EFCAB7: variants seen among roughly 807,000 people sequenced by gnomAD.
The protein encoded by EFCAB7 is EF-hand calcium-binding domain-containing protein 7.
In EFCAB7, 66 loss-of-function variants were observed where a neutral mutation model predicts 77.1. That is an observed-to-expected ratio of 0.86 (90% confidence interval 0.70 to 1.05). EFCAB7 has a LOEUF of 1.05. Ranked by LOEUF, EFCAB7 falls within the 50% of genes least tolerant of loss-of-function variation. The pLI is 0.00. For missense variants in EFCAB7, 638 were observed against 730.5 expected (o/e 0.87, Z 1.46); for synonymous variants, 225 against 243.3 (o/e 0.92, Z 0.70).
At chr1:63,550,363 C>G (rs1646950214) in intron 7 of EFCAB7, 2 of 151,996 alleles carry the variant, frequency 1.3e-5, no homozygotes, top group South Asian at 4.1e-4. Context: ...CTTTTTTCCT[C>G]TTTGGACTGA....
chr1:63,526,022 C>T (rs1032349819), intron 2 of EFCAB7, among the ~76,000 whole-genome samples: 13 of 151,962 alleles, frequency 8.6e-5, no homozygotes, highest in Admixed American at 4.6e-4. Flanking sequence ...ACTTTTAATT[C>T]TCATTTTGGT....
chr1:63,554,159 T>C (rs1646999111), intron 8 of EFCAB7, among the ~76,000 whole-genome samples: 1 of 152,060 alleles, frequency 6.6e-6, no homozygotes, highest in Non-Finnish European at 1.5e-5. Context: ...TTGGACATAA[T>C]ACGTGAAAGG....
At chr1:63,546,451 G>A (rs1000907906) in intron 7 of EFCAB7, among the ~76,000 whole-genome samples, 2 of 151,300 alleles carry the variant, frequency 1.3e-5, no homozygotes, top group African/African-American at 2.4e-5. Flanking sequence ...TGCAACCTCC[G>A]CCTCCTGGAT....
In EFCAB7 at chr1:63,531,830, T is replaced by C; in HGVS notation, c.198T>C (p.His66=). The change falls in exon 3 of 14, where the codon CAT becomes CAC. Residue 66 remains histidine, a synonymous_variant. Transcript: ENST00000371088. ...TGTCTTGTTGGGCAGCTCTTCAGCA[T>C]GCAGGAAGAAATCCATCCCAAAAGA... ...SKDQLYLALQ[H]AGRNPSQKTI... 2.5e-6 allele frequency: 4 copies of C among 1,611,720 alleles called. No homozygotes were observed. Among genetic ancestry groups the C allele is most frequent in the Non-Finnish European group, 3.4e-6 (4 of 1,179,066 alleles).
intron 5 of EFCAB7, 44 bp downstream of exon 5, chr1:63,533,693 A>G (rs1406171844): frequency 7.3e-7 from 1 of 1,366,002 alleles, no homozygotes; most frequent in South Asian, 1.6e-5. Flanking sequence ...AGAAATGAAG[A>G]GTCATATTCA....
chr1:63,577,083 G>T (rs1402585200), downstream of EFCAB7, among the ~76,000 whole-genome samples: 2 of 148,332 alleles, frequency 1.3e-5, no homozygotes, highest in Non-Finnish European at 3.0e-5. Context: ...GGAGGCTGAG[G>T]TTGCAGTGAG....
chr1:63,567,414 C>G (rs1647183024), intron 11 of EFCAB7, among the ~76,000 whole-genome samples: 1 of 151,936 alleles, frequency 6.6e-6, no homozygotes, highest in Admixed American at 6.6e-5. Context: ...GATCACCCAA[C>G]TGCACTCCAG....
At chr1:63,570,602 GTTTATA>G (rs1044093517) in intron 12 of EFCAB7, 4 of 152,888 alleles carry the variant, frequency 2.6e-5, no homozygotes, top group African/African-American at 7.2e-5. Flanking sequence ...AAATATATTT[GTTTATA>G]TATTGTCAAT....
At chr1:63,553,491 C>T (rs903321621) in intron 8 of EFCAB7, among the ~76,000 whole-genome samples, 1 of 152,114 alleles carries the variant, frequency 6.6e-6, no homozygotes, top group African/African-American at 2.4e-5. Flanking sequence ...AGGCGTGTGC[C>T]ACCATGCCCA....
At chr1:63,545,893 A>C (rs1448181056) in intron 6 of EFCAB7, 23 bp from the exon 7 acceptor site, 3 of 1,605,310 alleles carry the variant, frequency 1.9e-6, no homozygotes, top group Non-Finnish European at 2.6e-6. Flanking sequence ...TATTGTTTGA[A>C]ATAATTTTTT....
Position 63,545,962 on chromosome 1 carries a change from A to C in EFCAB7, c.851A>C (p.Asp284Ala). The change falls in exon 7 of 14, where the codon GAT becomes GCT. Residue 284 changes from aspartate to alanine, a missense_variant. By Grantham distance (126) the Asp-to-Ala change is moderately radical (BLOSUM62 -2). Transcript: ENST00000371088. ...AAAGGTTGCTTCTTCTTAGAAGAAG[A>C]TGGTGAAATCATTAGTCATCAGTAC... ...QSKGCFFLEE[D>A]GEIISHQYRM... is the part of the protein sequence containing the mutation. 6.2e-7 allele frequency: 1 copy of C among 1,613,840 alleles called. No individual in the cohort carries two copies. Among genetic ancestry groups the C allele is most frequent in the Non-Finnish European group, 8.5e-7 (1 of 1,179,824 alleles).
intron 8 of EFCAB7, among the ~76,000 whole-genome samples, chr1:63,554,624 A>G (rs1570424042): frequency 2.0e-5 from 3 of 152,192 alleles, no homozygotes; most frequent in Non-Finnish European, 2.9e-5. Context: ...ACAGGCGTGA[A>G]CCGCCATGCC....
chr1:63,584,349 G>A, the EFCAB7 span, among the ~76,000 whole-genome samples: 1 of 152,154 alleles, frequency 6.6e-6, no homozygotes, highest in Non-Finnish European at 1.5e-5. Flanking sequence ...GAGGACAGGA[G>A]TTCAAGATCA....
At chr1:63,532,075 AC>A (rs758283380) in intron 3 of EFCAB7, 44 bp downstream of exon 3, 26 of 1,465,514 alleles carry the variant, frequency 1.8e-5, no homozygotes, top group Non-Finnish European at 2.3e-5. Flanking sequence ...ATTTTCTAAA[AC>A]AGCTTGGAAT....
intron 3 of EFCAB7, 55 bp from the exon 4 acceptor site, chr1:63,532,615 A>C: frequency 7.1e-7 from 1 of 1,403,088 alleles, no homozygotes; most frequent in Non-Finnish European, 9.8e-7. Context: ...TGTCCCCATG[A>C]ATAACAAAGG....
chr1:63,535,357 A>T (rs1270934825), intron 6 of EFCAB7, among the ~76,000 whole-genome samples: 3 of 152,106 alleles, frequency 2.0e-5, no homozygotes, highest in Non-Finnish European at 2.9e-5. Flanking sequence ...GAATTTAAAA[A>T]TATAAATTTT....
chr1:63,540,901 A>G (rs766588742), intron 6 of EFCAB7, among the ~76,000 whole-genome samples: 4 of 152,154 alleles, frequency 2.6e-5, no homozygotes, highest in Non-Finnish European at 5.9e-5. Context: ...ATAAAAATAG[A>G]AAACTTGTAT....
intron 6 of EFCAB7, among the ~76,000 whole-genome samples, chr1:63,543,765 T>C (rs1185330588): frequency 1.3e-5 from 2 of 152,116 alleles, no homozygotes; most frequent in Admixed American, 6.5e-5. Flanking sequence ...TCAGTAGTTA[T>C]CAATATTATT....
intron 2 of EFCAB7, among the ~76,000 whole-genome samples, chr1:63,530,066 A>G (rs1043081350): frequency 6.6e-6 from 1 of 152,272 alleles, no homozygotes; most frequent in Admixed American, 6.5e-5. Context: ...TTTCTTTGGA[A>G]CTAAAAAGTT....
Sources: allele counts gnomAD v4.1 joint callset (sites outside exome capture counted in the v4.1 genomes callset), GRCh38; gene constraint gnomAD v4.1.1; transcripts MANE v1.5; gene names NCBI Gene and HGNC (gene_info 2026-07-23, HGNC 2026-07-21).